The following AK7 variants were observed in gnomAD, a reference collection of about 807,000 sequenced individuals.
The protein encoded by AK7 is adenylate kinase 7.
AK7 carries 78 observed loss-of-function variants against 96.6 expected under a neutral mutation model. That is an observed-to-expected ratio of 0.81 (90% CI 0.67 to 0.97). The LOEUF is 0.97. Ranked by LOEUF, AK7 falls within the 50% of genes least tolerant of loss-of-function variation. The pLI is 0.00. For synonymous variants in AK7, 302 were observed against 317.2 expected (o/e 0.95, Z 0.51); for missense variants, 855 against 887.9 (o/e 0.96, Z 0.47).
At chr14:96,481,760 A>G (rs111357657) in intron 15 of AK7, among the ~76,000 whole-genome samples, 3,104 of 148,178 alleles carry the variant, frequency 0.021, 91 homozygotes, top group African/African-American at 0.073. Context: ...GCTGGAGTAC[A>G]GTAGCTCAAT....
chr14:96,408,799 C>A, intron 3 of AK7, 48 bp from the exon 4 acceptor site: 1 of 1,584,370 alleles, frequency 6.3e-7, no homozygotes, highest in South Asian at 1.1e-5. Context: ...ATTTAGAAAC[C>A]AAGTTGTGCA....
chr14:96,472,580 G>A (rs926078012), intron 13 of AK7, 107 bp from the exon 14 acceptor site: 3 of 726,834 alleles, frequency 4.1e-6, no homozygotes, highest in Non-Finnish European at 2.4e-6. Flanking sequence ...TGCTATTTAT[G>A]GCTAGTTTTC....
At chr14:96,473,464 C>CT (rs71462738) in intron 14 of AK7, among the ~76,000 whole-genome samples, 3,554 of 139,794 alleles carry the variant, frequency 0.025, 103 homozygotes, top group African/African-American at 0.076. Context: ...TGCCCAGGCT[C>CT]TTTTTTTTTT....
intron 3 of AK7, chr14:96,405,067 C>G (rs561600979): frequency 3.3e-6 from 1 of 307,470 alleles, no homozygotes; most frequent in East Asian, 5.0e-5. Context: ...AAAATGAAGG[C>G]CGGCACACTG....
At chr14:96,471,376 G>A in intron 12 of AK7, 102 bp from the exon 13 acceptor site, 8 of 374,448 alleles carry the variant, frequency 2.1e-5, no homozygotes, top group South Asian at 7.5e-5. Flanking sequence ...ATTTCCAATA[G>A]TACCTTTGAC....
At chr14:96,405,463 C>T (rs984361999) in intron 3 of AK7, among the ~76,000 whole-genome samples, 21 of 152,052 alleles carry the variant, frequency 1.4e-4, no homozygotes, top group South Asian at 2.1e-4. Context: ...GAGTTACAGG[C>T]GTGAGCCACA....
intron 6 of AK7, among the ~76,000 whole-genome samples, chr14:96,441,527 T>C (rs1046693477): frequency 4.0e-5 from 6 of 150,300 alleles, no homozygotes; most frequent in Non-Finnish European, 7.4e-5. Flanking sequence ...TGATCCCAAC[T>C]ATTCGGGAAG....
intron 7 of AK7, among the ~76,000 whole-genome samples, chr14:96,445,838 C>G (rs1376091293): frequency 6.6e-6 from 1 of 152,138 alleles, no homozygotes; most frequent in Non-Finnish European, 1.5e-5. Context: ...TGTTGTTTCT[C>G]TCTGGAATTT....
At chr14:96,445,643 G>A (rs1053856680) in intron 7 of AK7, among the ~76,000 whole-genome samples, 3 of 151,922 alleles carry the variant, frequency 2.0e-5, no homozygotes. Context: ...CTGGGCAACA[G>A]AGCGAGACTC....
intron 16 of AK7, among the ~76,000 whole-genome samples, chr14:96,486,245 T>C (rs984961441): frequency 6.6e-6 from 1 of 152,218 alleles, no homozygotes; most frequent in Non-Finnish European, 1.5e-5. Context: ...CTCTCTGTCC[T>C]GCCTTGCATG....
At chr14:96,438,321 AAAC>A (rs1283756803) in intron 6 of AK7, among the ~76,000 whole-genome samples, 2 of 152,176 alleles carry the variant, frequency 1.3e-5, no homozygotes, top group Admixed American at 6.5e-5. Flanking sequence ...AGGGTATGGA[AAAC>A]AACAGAGCAG....
intron 4 of AK7, among the ~76,000 whole-genome samples, chr14:96,420,038 A>G (rs1237103900): frequency 1.3e-5 from 2 of 150,152 alleles, no homozygotes; most frequent in Admixed American, 6.6e-5. Context: ...GCTAATTTTC[A>G]TATTTTTAGT....
intron 1 of AK7, among the ~76,000 whole-genome samples, chr14:96,395,931 C>T (rs979268729): frequency 6.7e-6 from 1 of 150,308 alleles, no homozygotes; most frequent in Admixed American, 6.7e-5. Context: ...CCTGCCTCAG[C>T]CTCCCGAGTA....
intron 16 of AK7, among the ~76,000 whole-genome samples, chr14:96,485,458 G>A (rs925898712): frequency 6.6e-6 from 1 of 152,138 alleles, no homozygotes; most frequent in African/African-American, 2.4e-5. Context: ...TCCTGTCTGT[G>A]TCTCAGTTTC....
At chr14:96,459,854 G>A (rs995148270) in intron 12 of AK7, among the ~76,000 whole-genome samples, 2 of 151,810 alleles carry the variant, frequency 1.3e-5, no homozygotes, top group African/African-American at 4.8e-5. Context: ...TCTAGCCTGG[G>A]CAACAGAGAA....
chr14:96,401,755 G>T (rs1890423128), intron 2 of AK7, among the ~76,000 whole-genome samples: 1 of 152,176 alleles, frequency 6.6e-6, no homozygotes, highest in Non-Finnish European at 1.5e-5. Context: ...CCTCTACCTG[G>T]CTCAACAAGT....
intron 17 of AK7, among the ~76,000 whole-genome samples, chr14:96,487,663 G>A (rs1356743998): frequency 7.9e-5 from 12 of 151,564 alleles, no homozygotes; most frequent in South Asian, 4.2e-4. Flanking sequence ...TCCTGACCTC[G>A]TGATCTGCCT....
At chr14:96,412,222 CTTTCTT>C (rs1018847852) in intron 4 of AK7, among the ~76,000 whole-genome samples, 2 of 108,112 alleles carry the variant, frequency 1.8e-5, no homozygotes, top group African/African-American at 7.5e-5. Context: ...TCCTTTCTTT[CTTTCTT>C]TTTTTTTTTT....
intron 3 of AK7, among the ~76,000 whole-genome samples, chr14:96,406,727 C>T (rs992754531): frequency 5.3e-5 from 8 of 151,956 alleles, no homozygotes; most frequent in Non-Finnish European, 1.2e-4. Context: ...GCTCTGTCAC[C>T]CAGGCTGGAG....
Sources: allele counts gnomAD v4.1 joint callset (sites outside exome capture counted in the v4.1 genomes callset), GRCh38; gene constraint gnomAD v4.1.1; transcripts MANE v1.5; gene names NCBI Gene and HGNC (gene_info 2026-07-23, HGNC 2026-07-21).